The following RPAP2 variants were observed in gnomAD, a reference collection of about 807,000 sequenced individuals.
The protein encoded by RPAP2 is RNA polymerase II associated protein 2.
RPAP2 carries 52 observed loss-of-function variants against 73.1 expected under a neutral mutation model. That is an observed-to-expected ratio of 0.71 (90% CI 0.57 to 0.90). The LOEUF is 0.90. Among genes scored for constraint, RPAP2 ranks in the 40% least tolerant of loss-of-function variants. The pLI, the probability that RPAP2 is intolerant of heterozygous loss-of-function variation, is 0.00. For missense variants in RPAP2, 598 were observed against 701.8 expected, an observed-to-expected ratio of 0.85 and a Z score of 1.67; for synonymous variants, 225 against 242.1, an observed-to-expected ratio of 0.93 and a Z score of 0.65.
At chr1:92,322,209 G>T (rs1397207385) in intron 7 of RPAP2, among the ~76,000 whole-genome samples, 1 of 151,512 alleles carries the variant, frequency 6.6e-6, no homozygotes, top group Non-Finnish European at 1.5e-5. Flanking sequence ...GCCTCCCAAG[G>T]TGCTGGGATT....
chr1:92,322,050 G>C (rs1220334833), intron 7 of RPAP2, among the ~76,000 whole-genome samples: 1 of 148,094 alleles, frequency 6.8e-6, no homozygotes, highest in Non-Finnish European at 1.5e-5. Flanking sequence ...GGTTCAAGCA[G>C]TTCTCCTGCC....
At chr1:92,346,314 C>T (rs1653898621) in intron 11 of RPAP2, among the ~76,000 whole-genome samples, 1 of 152,108 alleles carries the variant, frequency 6.6e-6, no homozygotes, top group South Asian at 2.1e-4. Flanking sequence ...TAGTCACACA[C>T]CACCATGCCT....
intron 11 of RPAP2, among the ~76,000 whole-genome samples, chr1:92,366,057 C>T (rs551111384): frequency 1.6e-4 from 24 of 152,314 alleles, no homozygotes; most frequent in African/African-American, 5.5e-4. Context: ...TTTCCTGCCA[C>T]AAAGGGAACA....
At position 92,377,339 on chromosome 1, in the gene RPAP2, T is replaced by C. The variant is rs367809010; in HGVS notation, c.1689-3385T>C. 5.6e-4 allele frequency among the ~76,000 whole-genome samples: 85 copies of C among 151,974 alleles called. 1 individual carries two copies. The highest frequency in any genetic ancestry group is 1.9e-3 in the African/African-American group (80 of 41,434). ...ATCGAGACCATCCTGGCCAACATGA[T>C]GAAACCACTTCTCTACTAAAAATAC... On this transcript the variant is annotated intron_variant, in intron 11 of 12. Transcript: ENST00000610020.
At chr1:92,358,065 A>G (rs1654567627) in intron 11 of RPAP2, among the ~76,000 whole-genome samples, 1 of 152,122 alleles carries the variant, frequency 6.6e-6, no homozygotes, top group Admixed American at 6.6e-5. Flanking sequence ...GTAGAATAAC[A>G]TCATAAAATC....
chr1:92,359,383 A>T (rs1004162208), intron 11 of RPAP2, among the ~76,000 whole-genome samples: 1 of 152,228 alleles, frequency 6.6e-6, no homozygotes, highest in Admixed American at 6.5e-5. Flanking sequence ...GCAATGGCAC[A>T]ATCTCGGCTC....
chr1:92,326,151 T>C lies in RPAP2; in HGVS notation c.1455+1776T>C, dbSNP rs1478490386. Among the ~76,000 whole-genome samples the C allele has an allele frequency of 2.6e-5, 4 of 152,162 alleles. No homozygotes were observed. The South Asian group carries it at 8.3e-4, about 32-fold the overall frequency. The stretch of plus-strand genomic sequence containing the variant: ...CCGGTTTACAGTTCCACTACTACTA[T>C]ATGGGAGTTTCCTTGATTCCATGTC... On this transcript the variant is annotated intron_variant, in intron 8 of 12. Coordinates refer to ENST00000610020, the MANE Select transcript of RPAP2 (RefSeq NM_024813.3).
At chr1:92,304,204 T>C (rs1390159815) in intron 4 of RPAP2, 80 bp from the exon 5 acceptor site, 1 of 1,130,998 alleles carries the variant, frequency 8.8e-7, no homozygotes, top group Non-Finnish European at 1.3e-6. Flanking sequence ...TGATATGATA[T>C]GTAGATGACT....
intron 5 of RPAP2, among the ~76,000 whole-genome samples, chr1:92,306,350 T>C (rs958229201): frequency 2.3e-4 from 35 of 152,194 alleles, no homozygotes; most frequent in African/African-American, 8.0e-4. Context: ...AAAATGCTTA[T>C]GATGATAAAT....
chr1:92,381,560 A>T (rs922122686), intron 12 of RPAP2, among the ~76,000 whole-genome samples: 1 of 150,902 alleles, frequency 6.6e-6, no homozygotes, highest in Non-Finnish European at 1.5e-5. Context: ...ATCCTAAGCT[A>T]CAAATGAGAT....
At chr1:92,307,594 T>A (rs1379115753) in intron 6 of RPAP2, among the ~76,000 whole-genome samples, 1 of 152,164 alleles carries the variant, frequency 6.6e-6, no homozygotes, top group African/African-American at 2.4e-5. Flanking sequence ...AATGTTAAAT[T>A]TTTTCAGAAG....
rs867385923 is a variant in RPAP2, at chr1:92,397,437, T to G, written c.*10426T>G. 6.6e-6 allele frequency: 1 copy of G among 152,152 alleles called. No individual in the cohort carries two copies. The highest frequency in any genetic ancestry group is 1.5e-5 in the Non-Finnish European group (1 of 68,056). 9.4% of individuals were successfully genotyped at this position (152,152 alleles called of 1,614,324 possible). A position where few individuals can be genotyped will look rare whatever the true frequency, so the allele number is the denominator to read the frequency against. On this transcript the variant is annotated 3_prime_UTR_variant, in exon 13 of 13. Transcript: ENST00000610020. ...AGGGAAGCTGCTGTATCTCCACTTC[T>G]TCCCTCTCTGTGCCCAGAGATATCT...
rs1387292990 is a variant in RPAP2 at position 92,323,367 on chromosome 1, GTACTT to G, written c.525-71_525-67del. 2.3e-5 allele frequency: 23 copies of G among 981,594 alleles called. No individual in the cohort carries two copies. In the East Asian group the frequency reaches 3.9e-4, roughly 16 times the overall value. The allele number at this position is 981,594 out of a possible 1,614,324, so 60.8% of individuals were successfully genotyped here. A position where few individuals can be genotyped will look rare whatever the true frequency, so the allele number is the denominator to read the frequency against. ...AGTTACAATGTATAAATACTATGGG[GTACTT>G]TACTTTTCTATTGTTTTCGGGTTTT... On this transcript the variant is annotated intron_variant, in intron 7 of 12. Coordinates refer to ENST00000610020, the MANE Select transcript of RPAP2 (RefSeq NM_024813.3).
At chr1:92,376,528 ATTTG>A (rs1655393999) in intron 11 of RPAP2, among the ~76,000 whole-genome samples, 1 of 152,162 alleles carries the variant, frequency 6.6e-6, no homozygotes, top group Non-Finnish European at 1.5e-5. Context: ...ATTGCTATCT[ATTTG>A]TTTGATGACT....
At chr1:92,321,200 A>G (rs1652236324) in intron 7 of RPAP2, among the ~76,000 whole-genome samples, 1 of 152,214 alleles carries the variant, frequency 6.6e-6, no homozygotes, top group African/African-American at 2.4e-5. Context: ...AATAAGAGAT[A>G]TTTATTTATT....
At chr1:92,348,157 G>A (rs1011673502) in intron 11 of RPAP2, among the ~76,000 whole-genome samples, 1 of 152,186 alleles carries the variant, frequency 6.6e-6, no homozygotes, top group African/African-American at 2.4e-5. Flanking sequence ...CCAAAGTGCT[G>A]TGATTACAGG....
chr1:92,317,099 G>A (rs1651951256), intron 6 of RPAP2, among the ~76,000 whole-genome samples: 1 of 152,128 alleles, frequency 6.6e-6, no homozygotes, highest in Non-Finnish European at 1.5e-5. Flanking sequence ...CTAAATAGAG[G>A]CAACAGGATA....
intron 11 of RPAP2, among the ~76,000 whole-genome samples, chr1:92,353,734 G>A (rs978673835): frequency 6.6e-6 from 1 of 152,094 alleles, no homozygotes; most frequent in African/African-American, 2.4e-5. Context: ...TGAGGATTAA[G>A]CAATAATTAG....
At chr1:92,377,516 CAAAAAAAAAAAA>C (rs530908177) in intron 11 of RPAP2, among the ~76,000 whole-genome samples, 3 of 76,608 alleles carry the variant, frequency 3.9e-5, no homozygotes, top group South Asian at 1.0e-3. Flanking sequence ...AACTTTGTCT[CAAAAAAAAAAAA>C]AAAAAAAAAA....
Sources: gnomAD v4.1 joint callset for allele counts (sites outside exome capture counted in the v4.1 genomes callset) on GRCh38, gnomAD v4.1.1 for gene constraint, MANE v1.5 for transcripts, NCBI Gene and HGNC (gene_info 2026-07-23, HGNC 2026-07-21) for gene names.